Variants in PCNX4 observed in about 807,000 individuals in gnomAD.
PCNX4 encodes pecanex 4.
In PCNX4, 103 loss-of-function variants were observed where a neutral mutation model predicts 107.2. That is an observed-to-expected ratio of 0.96 (90% CI 0.82 to 1.13). PCNX4 has a LOEUF of 1.13. Among genes scored for constraint, PCNX4 ranks in the 50% most tolerant of loss-of-function variants. PCNX4 has a pLI of 0.00. For missense variants in PCNX4, 1,528 were observed against 1,379.4 expected, an observed-to-expected ratio of 1.11 and a Z score of -1.71; for synonymous variants, 541 against 481.7, an observed-to-expected ratio of 1.12 and a Z score of -1.61.
intron 10 of PCNX4, among the ~76,000 whole-genome samples, chr14:60,129,420 C>T (rs901231080): frequency 2.0e-5 from 3 of 151,816 alleles, no homozygotes; most frequent in South Asian, 2.1e-4. Context: ...AGTGTGGTGG[C>T]GTGCATTTGT....
chr14:60,128,162 G>A (rs1213160296), intron 10 of PCNX4, among the ~76,000 whole-genome samples: 1 of 136,848 alleles, frequency 7.3e-6, no homozygotes, highest in Non-Finnish European at 1.5e-5. Context: ...AGAGAGAAGG[G>A]AGAAAAAAAA....
chr14:60,102,510 A>T (rs946857414), intron 1 of PCNX4, among the ~76,000 whole-genome samples: 1 of 152,132 alleles, frequency 6.6e-6, no homozygotes, highest in Non-Finnish European at 1.5e-5. Context: ...TGCCAGATTG[A>T]TCTCTGTTTC....
chr14:60,117,118 T>A (rs1033138157), intron 6 of PCNX4, among the ~76,000 whole-genome samples: 1 of 152,148 alleles, frequency 6.6e-6, no homozygotes, highest in Non-Finnish European at 1.5e-5. Flanking sequence ...AAAAATATTT[T>A]AAAAATAAAT....
intron 2 of PCNX4, 50 bp from the exon 3 acceptor site, chr14:60,114,650 T>G: frequency 6.8e-7 from 1 of 1,461,700 alleles, no homozygotes; most frequent in South Asian, 1.3e-5. Context: ...TCTTAAAAGA[T>G]CCTCTTCTAT....
chr14:60,115,566 GTGTT>G (rs1426195149), intron 4 of PCNX4, 105 bp downstream of exon 4: 8 of 1,411,838 alleles, frequency 5.7e-6, no homozygotes, highest in South Asian at 1.4e-5. Flanking sequence ...CCATATACAA[GTGTT>G]TGTTCTTTTA....
Position 60,124,284 on chromosome 14 carries a change from G to A in PCNX4, c.2113G>A (p.Asp705Asn). The A allele has an allele frequency of 1.9e-6, 3 of 1,606,812 alleles. No individual in the cohort carries two copies. The highest frequency in any genetic ancestry group is 2.6e-6 in the Non-Finnish European group (3 of 1,176,158). The change falls in exon 9 of 11, where the codon GAT becomes AAT. Residue 705 changes from aspartate (D) to asparagine (N), a missense_variant. Asp to Asn is a conservative substitution (Grantham distance 23, BLOSUM62 1). Coordinates refer to ENST00000406854, the MANE Select transcript of PCNX4 (RefSeq NM_001330177.2). ...TCGCAGAGTTGATGAAGTTTTTGAA[G>A]ATGCTTTTGAGCAAGAATACACAAG... ...EARRVDEVFE[D>N]AFEQEYTRVC... is the part of the protein sequence containing the mutation.
intron 2 of PCNX4, chr14:60,110,850 A>G (rs1319533754): frequency 1.2e-5 from 2 of 167,078 alleles, no homozygotes; most frequent in Non-Finnish European, 1.5e-5. Flanking sequence ...ATGGAATGTT[A>G]TAGACTAATT....
intron 1 of PCNX4, among the ~76,000 whole-genome samples, chr14:60,103,278 C>T (rs1237066728): frequency 1.3e-5 from 2 of 152,106 alleles, no homozygotes; most frequent in African/African-American, 2.4e-5. Flanking sequence ...TACTAGATAT[C>T]ATGGGAAAAA....
Position 60,146,745 on chromosome 14 carries a change from A to G in PCNX4, c.*12524A>G, listed in dbSNP as rs535587854. 1.3e-5 allele frequency: 2 copies of G among 152,302 alleles called. No individual in the cohort carries two copies. Among genetic ancestry groups the G allele is most frequent in the Admixed American group, 6.5e-5 (1 of 15,296 alleles). 9.4% of individuals were successfully genotyped at this position (152,302 alleles called of 1,614,324 possible). A position where few individuals can be genotyped will look rare whatever the true frequency, so the allele number is the denominator to read the frequency against. Reference sequence around the variant, plus strand: ...TGGAATATTTTTCAGCCATAAAACAATGGAACTCCTGGCATTTGTGAAAAC... The same window carrying G: ...TGGAATATTTTTCAGCCATAAAACAGTGGAACTCCTGGCATTTGTGAAAAC... On this transcript the variant is annotated 3_prime_UTR_variant, in exon 11 of 11. Transcript: ENST00000406854. This position sits in a 1 kb window ranked among gnomAD's most constrained non-coding sequence, Gnocchi z 4.9.
Position 60,136,226 on chromosome 14 carries a change from T to C in PCNX4, c.*2005T>C, listed in dbSNP as rs139879916. On this transcript the variant is annotated 3_prime_UTR_variant, in exon 11 of 11. Transcript: ENST00000406854. ...AGCTTTTGTGTTTTCTTTTGAACTT[T>C]CCTGACACTACATTATCTTTGTTTT... 6.6e-6 allele frequency: 1 copy of C among 152,204 alleles called. No individual in the cohort carries two copies. Among genetic ancestry groups the C allele is most frequent in the African/African-American group, 2.4e-5 (1 of 41,450 alleles). 9.4% of individuals were successfully genotyped at this position (152,204 alleles called of 1,614,324 possible). A position where few individuals can be genotyped will look rare whatever the true frequency, so the allele number is the denominator to read the frequency against.
chr14:60,128,668 G>T (rs575726808), intron 10 of PCNX4, among the ~76,000 whole-genome samples: 3 of 152,010 alleles, frequency 2.0e-5, no homozygotes, highest in Non-Finnish European at 4.4e-5. Flanking sequence ...CACCAATAAA[G>T]GTAACTGTGT....
Position 60,141,319 on chromosome 14 carries a change from A to G in PCNX4, c.*7098A>G, listed in dbSNP as rs1896303550. Reference sequence around the variant, plus strand: ...AAAAGCAGAAATCAATGAAACTGCAAATAGAAAAATACATAAACAAAAAAC... The same window carrying G: ...AAAAGCAGAAATCAATGAAACTGCAGATAGAAAAATACATAAACAAAAAAC... On this transcript the variant is annotated 3_prime_UTR_variant, in exon 11 of 11. Transcript: ENST00000406854. 6.6e-6 allele frequency: 1 copy of G among 152,222 alleles called. No individual in the cohort carries two copies. The allele number at this position is 152,222 out of a possible 1,614,324, so 9.4% of individuals were successfully genotyped here.
At position 60,115,018 on chromosome 14, in the gene PCNX4, C is replaced by T; in HGVS notation, c.914C>T (p.Ser305Leu). ...FIMSAGTAIA[S>L]YFIPSTVGVV... ...ATGTCTGCTGGAACAGCTATAGCATCATATTTCATTCCAAGCACTGTTGGT... is the reference window on the plus strand; with the variant it reads ...ATGTCTGCTGGAACAGCTATAGCATTATATTTCATTCCAAGCACTGTTGGT... Residue 305 changes from serine to leucine, a missense_variant, in exon 4 of 11, where the codon TCA becomes TTA. By Grantham distance (145) the Ser-to-Leu change is moderately radical. Coordinates refer to ENST00000406854, the MANE Select transcript of PCNX4 (RefSeq NM_001330177.2). 1.2e-6 allele frequency: 2 copies of T among 1,612,358 alleles called. No homozygotes were observed. Among genetic ancestry groups the T allele is most frequent in the Non-Finnish European group, 1.7e-6 (2 of 1,178,844 alleles).
intron 1 of PCNX4, among the ~76,000 whole-genome samples, chr14:60,093,673 CAT>C (rs1052199661): frequency 2.0e-5 from 3 of 152,038 alleles, no homozygotes; most frequent in Non-Finnish European, 4.4e-5. Flanking sequence ...TTTGTGTAGA[CAT>C]ATATGTTTTT....
In PCNX4 at chr14:60,124,409, AATTG is replaced by A. The variant is rs1220228339; in HGVS notation, c.2242_2245del (p.Asp748LeufsTer5). The A allele has an allele frequency of 6.2e-7, 1 of 1,613,588 alleles. No individual in the cohort carries two copies. The highest frequency in any genetic ancestry group is 1.1e-5 in the South Asian group (1 of 91,068). On this transcript the variant is annotated frameshift_variant, in exon 9 of 11. Coordinates refer to ENST00000406854, the MANE Select transcript of PCNX4 (RefSeq NM_001330177.2). LOFTEE classifies it high-confidence loss of function. ...ATGCCAGGAATGTTCTATCAGGCAT[AATTG>A]ATTCTCATGAAAACTTAAAAGAATT...
intron 8 of PCNX4, among the ~76,000 whole-genome samples, chr14:60,121,792 C>T (rs892705523): frequency 6.6e-6 from 1 of 152,092 alleles, no homozygotes; most frequent in Non-Finnish European, 1.5e-5. Flanking sequence ...ACTACTCCAC[C>T]CAGCCTGCTC....
At chr14:60,103,488 A>G (rs1341001173) in intron 1 of PCNX4, among the ~76,000 whole-genome samples, 1 of 152,210 alleles carries the variant, frequency 6.6e-6, no homozygotes, top group Non-Finnish European at 1.5e-5. Context: ...TCTGTGGGAT[A>G]TATGATCCTG....
At chr14:60,094,030 A>T (rs1380527251) in intron 1 of PCNX4, among the ~76,000 whole-genome samples, 2 of 152,074 alleles carry the variant, frequency 1.3e-5, no homozygotes, top group Non-Finnish European at 2.9e-5. Flanking sequence ...TCCTTTGCTC[A>T]TTTTTTAAAG....
intron 8 of PCNX4, among the ~76,000 whole-genome samples, chr14:60,121,679 C>A (rs944125290): frequency 6.6e-6 from 1 of 152,102 alleles, no homozygotes; most frequent in East Asian, 1.9e-4. Context: ...CTATTTGTCT[C>A]CTTCCTTGAA....
Sources: gnomAD v4.1 joint callset for allele counts (sites outside exome capture counted in the v4.1 genomes callset) on GRCh38, gnomAD v4.1.1 for gene constraint, Gnocchi (gnomAD v3.1) non-coding constraint, MANE v1.5 for transcripts, NCBI Gene and HGNC (gene_info 2026-07-23, HGNC 2026-07-21) for gene names.